ZNF302: variants seen among roughly 807,000 people sequenced by gnomAD.
ZNF302 encodes zinc finger protein 327.
A neutral mutation model predicts 10.8 loss-of-function variants in ZNF302; 12 were observed. The ratio of observed to expected loss-of-function variants is 1.11; its 90% CI spans 0.71 to 1.79. ZNF302 has a LOEUF of 1.79. Ranked by LOEUF, ZNF302 falls within the 40% of genes most tolerant of loss-of-function variation. ZNF302 has a pLI of 0.00. For synonymous variants in ZNF302, 178 were observed against 157.5 expected (o/e 1.13, Z -0.98); for missense variants, 461 against 471.1 (o/e 0.98, Z 0.20).
In ZNF302 at chr19:34,683,196, G is replaced by C. The variant is rs749315039; in HGVS notation, c.172G>C (p.Asp58His). 62 of 1,613,992 alleles carry C rather than the reference G, an allele frequency of 3.8e-5. No homozygotes were observed. The highest frequency in any genetic ancestry group is 2.0e-4 in the Admixed American group (12 of 60,002). Residue 58 changes from aspartate to histidine, a missense_variant, in exon 4 of 5, where the codon GAT becomes CAT. By Grantham distance (81) the Asp-to-His change is moderately conservative. Transcript: ENST00000505242. ...TKPYVIMLLE[D>H]GKEPWMMEKK... Reference sequence around the variant, plus strand: ...GCCATATGTGATCATGTTATTGGAGGATGGAAAAGAGCCCTGGATGATGGA... The same window carrying C: ...GCCATATGTGATCATGTTATTGGAGCATGGAAAAGAGCCCTGGATGATGGA...
chr19:34,684,600 C>G lies in ZNF302; in HGVS notation c.563C>G (p.Ser188Cys), dbSNP rs2068553612. 1 of 1,613,974 alleles carries G rather than the reference C, an allele frequency of 6.2e-7. No individual in the cohort carries two copies. The highest frequency in any genetic ancestry group is 1.7e-5 in the Admixed American group (1 of 60,000). The change falls in exon 5 of 5, where the codon TCT becomes TGT. Residue 188 changes from serine (S) to cysteine (C), a missense_variant. By Grantham distance (112) the Ser-to-Cys change is moderately radical. Transcript: ENST00000505242. ...KSGAAFNQSK[S>C]LTLPQTCNRE... ...GGGGCAGCCTTCAACCAGAGCAAAT[C>G]TCTTACCCTTCCCCAGACTTGTAAT...
chr19:34,679,474 T>C (rs1266216506), intron 2 of ZNF302, among the ~76,000 whole-genome samples: 1 of 152,214 alleles, frequency 6.6e-6, no homozygotes, highest in African/African-American at 2.4e-5. Flanking sequence ...AATTAGGCCA[T>C]TACCTCCCTG....
At chr19:34,681,820 C>CT (rs2068363449) in intron 2 of ZNF302, 2 of 152,208 alleles carry the variant, frequency 1.3e-5, no homozygotes, top group South Asian at 4.1e-4. Context: ...ATCCTTCAGT[C>CT]TTTTCACCCA....
intron 2 of ZNF302, chr19:34,679,860 T>C (rs1421317653): frequency 1.4e-6 from 1 of 702,976 alleles, no homozygotes; most frequent in Admixed American, 2.0e-5. Context: ...TGGCACCAAA[T>C]GGATGCTTAG....
intron 2 of ZNF302, among the ~76,000 whole-genome samples, chr19:34,680,309 A>T (rs1360219049): frequency 6.6e-6 from 1 of 152,220 alleles, no homozygotes; most frequent in Non-Finnish European, 1.5e-5. Flanking sequence ...GACACACAGG[A>T]CTTCATGATC....
chr19:34,680,926 A>G (rs1386238705), intron 2 of ZNF302, among the ~76,000 whole-genome samples: 4 of 152,224 alleles, frequency 2.6e-5, no homozygotes, highest in East Asian at 3.8e-4. Context: ...TTTCATCTCA[A>G]TAGTGGATCG....
At chr19:34,680,047 TGC>T (rs1438573783) in intron 2 of ZNF302, 1 of 659,710 alleles carries the variant, frequency 1.5e-6, no homozygotes, top group East Asian at 2.7e-5. Context: ...TGGTAGTGCA[TGC>T]CTGTTGTCCC....
rs534399677 is a variant in ZNF302 at position 34,684,723 on chromosome 19, A to G, written c.686A>G (p.Tyr229Cys). Residue 229 changes from tyrosine to cysteine, a missense_variant, in exon 5 of 5, where the codon TAT becomes TGT. Physicochemically the swap from Tyr to Cys is radical, Grantham distance 194. Transcript: ENST00000505242. Reference protein sequence around the residue: ...HWRIHTGEKPYECRECGKTFS... With the variant: ...HWRIHTGEKPCECRECGKTFS... The stretch of plus-strand genomic sequence containing the variant: ...AGAATTCATACAGGAGAGAAGCCCT[A>G]TGAATGTCGTGAATGTGGGAAGACT... 3 of 1,614,016 alleles carry G rather than the reference A, an allele frequency of 1.9e-6. No individual in the cohort carries two copies. Among genetic ancestry groups the G allele is most frequent in the East Asian group, 4.5e-5 (2 of 44,866 alleles).
At position 34,685,536 on chromosome 19, in the gene ZNF302, A is replaced by C. The variant is rs1333474339; in HGVS notation, c.*299A>C. 3 of 1,551,794 alleles carry C rather than the reference A, an allele frequency of 1.9e-6. No individual in the cohort carries two copies. The highest frequency in any genetic ancestry group is 1.8e-6 in the Non-Finnish European group (2 of 1,124,578). The stretch of plus-strand genomic sequence containing the variant: ...AAAGGCTCGAATCTTACTGCCCATC[A>C]AAGAGTACATAATGGAGAGAAACCC... On this transcript the variant is annotated 3_prime_UTR_variant, in exon 5 of 5. Coordinates refer to ENST00000505242, the MANE Select transcript of ZNF302 (RefSeq NM_001289187.2).
In ZNF302 at chr19:34,684,629, G is replaced by C. The variant is rs764199498; in HGVS notation, c.592G>C (p.Glu198Gln). Residue 198 changes from glutamate (E) to glutamine (Q), a missense_variant, in exon 5 of 5, where the codon GAG (glutamate) becomes CAG (glutamine). Glu to Gln is a conservative substitution (Grantham distance 29). Coordinates refer to ENST00000505242, the MANE Select transcript of ZNF302 (RefSeq NM_001289187.2). ...TACCCTTCCCCAGACTTGTAATAGA[G>C]AGAAAATCTATACATGCAGTGAATG... ...SLTLPQTCNR[E>Q]KIYTCSECGK... 6.2e-7 allele frequency: 1 copy of C among 1,613,902 alleles called. No homozygotes were observed. Among genetic ancestry groups the C allele is most frequent in the Non-Finnish European group, 8.5e-7 (1 of 1,179,932 alleles).
chr19:34,684,690 G>T lies in ZNF302; in HGVS notation c.653G>T (p.Arg218Leu). 1 of 1,613,948 alleles carries T rather than the reference G, an allele frequency of 6.2e-7. No homozygotes were observed. The highest frequency in any genetic ancestry group is 8.5e-7 in the Non-Finnish European group (1 of 1,179,914). The change falls in exon 5 of 5, where the codon CGC becomes CTC. Residue 218 changes from arginine (R) to leucine (L), a missense_variant. Physicochemically the swap from Arg to Leu is moderately radical, Grantham distance 102. Coordinates refer to ENST00000505242, the MANE Select transcript of ZNF302 (RefSeq NM_001289187.2). Reference sequence around the variant, plus strand: ...TTTGGCAAACAGTCAATCCTCAGTCGCCACTGGAGAATTCATACAGGAGAG... The same window carrying T: ...TTTGGCAAACAGTCAATCCTCAGTCTCCACTGGAGAATTCATACAGGAGAG... The part of the protein sequence containing the change: ...KAFGKQSILS[R>L]HWRIHTGEKP...
Position 34,685,127 on chromosome 19 carries a change from A to C in ZNF302, c.1090A>C (p.Ser364Arg), listed in dbSNP as rs1040389600. 2.7e-5 allele frequency: 44 copies of C among 1,611,504 alleles called. No homozygotes were observed. The highest frequency in any genetic ancestry group is 3.6e-5 in the Non-Finnish European group (43 of 1,179,298). The change falls in exon 5 of 5, where the codon AGT becomes CGT. Residue 364 changes from serine (S) to arginine (R), a missense_variant. Transcript: ENST00000505242. ...CCTTACTCAACATCAAAGAATTCAC[A>C]GTATGAAGAAAAAATATGAATGCAA... ...SHLTQHQRIH[S>R]MKKKYECNKC... is the part of the protein sequence containing the mutation.
At chr19:34,683,999 A>G (rs2068497671) in intron 4 of ZNF302, 3 of 1,463,930 alleles carry the variant, frequency 2.0e-6, no homozygotes, top group Non-Finnish European at 2.7e-6. Context: ...CAGCTTACCC[A>G]TTTCCTTTAT....
chr19:34,679,683 C>T (rs1350403781), intron 2 of ZNF302: 9 of 534,852 alleles, frequency 1.7e-5, no homozygotes, highest in Admixed American at 3.4e-5. Context: ...CCTTCCCTAG[C>T]GCTTCCACTC....
chr19:34,676,713 G>A (rs533707341), upstream of ZNF302: 1 of 152,158 alleles, frequency 6.6e-6, no homozygotes, highest in East Asian at 1.9e-4. Context: ...AGATCATGCA[G>A]GTCAGTACTT....
In ZNF302 at chr19:34,685,432, T is replaced by C; in HGVS notation, c.*195T>C. The C allele has an allele frequency of 6.2e-7, 1 of 1,602,094 alleles. No individual in the cohort carries two copies. The highest frequency in any genetic ancestry group is 1.3e-5 in the African/African-American group (1 of 74,766). ...AATGTGGGAAGACCTTCAGCTGTAG[T>C]TCAAACCTTACTGTACATCAGAGAA... On this transcript the variant is annotated 3_prime_UTR_variant, in exon 5 of 5. Transcript: ENST00000505242.
chr19:34,683,456 T>A (rs528889914), intron 4 of ZNF302, among the ~76,000 whole-genome samples: 6 of 152,212 alleles, frequency 3.9e-5, no homozygotes, highest in Non-Finnish European at 8.8e-5. Context: ...TTAGAGGTTT[T>A]TGCCATCATA....
In ZNF302 at chr19:34,686,023, CTG is replaced by C. The variant is rs2068639579; in HGVS notation, c.*787_*788del. 1 of 154,184 alleles carries C rather than the reference CTG, an allele frequency of 6.5e-6. No individual in the cohort carries two copies. The highest frequency in any genetic ancestry group is 2.4e-5 in the African/African-American group (1 of 41,454). The allele number at this position is 154,184 out of a possible 1,614,324, so 9.6% of individuals were successfully genotyped here. ...CATCCCTTATTCTATAGGAAATAAA[CTG>C]GAGACAAATCTCATTTAAGAGATGC... On this transcript the variant is annotated 3_prime_UTR_variant, in exon 5 of 5. Coordinates refer to ENST00000505242, the MANE Select transcript of ZNF302 (RefSeq NM_001289187.2).
At chr19:34,684,078 G>A (rs1600107213) in intron 4 of ZNF302, 174 bp from the exon 5 acceptor site, 2 of 1,522,056 alleles carry the variant, frequency 1.3e-6, no homozygotes, top group East Asian at 2.5e-5. Context: ...AGAAGTCACT[G>A]AAATATTTGA....
Sources: gnomAD v4.1 joint callset for allele counts (sites outside exome capture counted in the v4.1 genomes callset) on GRCh38, gnomAD v4.1.1 for gene constraint, MANE v1.5 for transcripts, NCBI Gene and HGNC (gene_info 2026-07-23, HGNC 2026-07-21) for gene names.